REXO5: variants seen among roughly 807,000 people sequenced by gnomAD.
REXO5 encodes RNA exonuclease 5, also known as exonuclease NEF-sp.
Under a neutral mutation model 88.5 loss-of-function variants are expected in REXO5, and 48 were observed. That is an observed-to-expected ratio of 0.54 (90% CI 0.43 to 0.69). The LOEUF (loss-of-function observed/expected upper bound fraction) is 0.69, where lower values mean the gene tolerates loss of function less well. REXO5 is among the 30% of genes least tolerant of loss of function. The pLI is 0.00. For missense variants in REXO5, 749 were observed against 912.2 expected (o/e 0.82, Z 2.30); for synonymous variants, 311 against 336.5 (o/e 0.92, Z 0.83).
Position 20,833,000 on chromosome 16 carries a change from T to A in REXO5, c.1263-3T>A, listed in dbSNP as rs200182190. On this transcript the variant is annotated splice_polypyrimidine_tract_variant and splice_region_variant and intron_variant, in intron 12 of 19. Transcript: ENST00000261377. ...TTACCTTAACTCTTCTACTTCTTTA[T>A]AGTGTTTTAGAATGCTTGGATTCAG... 1.0e-3 allele frequency: 1,676 copies of A among 1,611,386 alleles called. 12 individuals carry two copies. The highest frequency in any genetic ancestry group is 1.3e-3 in the South Asian group (117 of 90,820).
At chr16:20,828,591 C>A (rs1463709343) in intron 11 of REXO5, 54 bp downstream of exon 11, 1 of 1,170,814 alleles carries the variant, frequency 8.5e-7, no homozygotes. Flanking sequence ...GGGACTAGAT[C>A]AGATTATCAC....
At chr16:20,809,934 G>T (rs537833213) in intron 2 of REXO5, among the ~76,000 whole-genome samples, 47 of 152,310 alleles carry the variant, frequency 3.1e-4, no homozygotes, top group African/African-American at 1.1e-3. Context: ...GATGAACTCA[G>T]TGGTACCTAT....
intron 19 of REXO5, 99 bp from the exon 20 acceptor site, chr16:20,849,300 A>G: frequency 8.6e-7 from 1 of 1,157,108 alleles, no homozygotes; most frequent in South Asian, 1.4e-5. Context: ...CCCATGGCAC[A>G]CACACATACT....
At position 20,846,999 on chromosome 16, in the gene REXO5, ATGAG is replaced by A. The variant is rs376080870; in HGVS notation, c.2243+667_2243+670del. Among the ~76,000 whole-genome samples, 331 of 152,346 alleles carry A rather than the reference ATGAG, an allele frequency of 2.2e-3. 1 individual carries two copies. The highest frequency in any genetic ancestry group is 7.4e-3 in the African/African-American group (307 of 41,576). On this transcript the variant is annotated intron_variant, in intron 19 of 19. Coordinates refer to ENST00000261377, the MANE Select transcript of REXO5 (RefSeq NM_030941.3). ...AAGCATAAAGATGGGCAGTTTTGGA[ATGAG>A]TGAGTGGGCAGCTAAATGAATGAGT...
rs201158676 is a variant in REXO5, at chr16:20,845,135, T to C, written c.2018T>C (p.Leu673Pro). 11 of 1,614,130 alleles carry C rather than the reference T, an allele frequency of 6.8e-6. No individual in the cohort carries two copies. In the Admixed American group the frequency reaches 1.2e-4, roughly 17 times the overall value. Residue 673 changes from leucine to proline, a missense_variant, in exon 18 of 20, where the codon CTA becomes CCA. By Grantham distance (98) the Leu-to-Pro change is moderately conservative. Transcript: ENST00000261377. ...TGGAAGCTGAAAGGCAGGCATGCCC[T>C]AACCCCCAGGCACCTCCATGCCTGG... ...KDWKLKGRHALTPRHLHAWLR... is the reference protein window; with the variant it reads ...KDWKLKGRHAPTPRHLHAWLR...
chr16:20,841,472 G>A (rs1228012069), intron 15 of REXO5, among the ~76,000 whole-genome samples: 1 of 152,102 alleles, frequency 6.6e-6, no homozygotes, highest in Non-Finnish European at 1.5e-5. Flanking sequence ...TAAATATATT[G>A]TTCCTTTAGA....
intron 3 of REXO5, 145 bp downstream of exon 3, chr16:20,813,447 A>G: frequency 1.8e-6 from 1 of 541,930 alleles, no homozygotes; most frequent in South Asian, 2.6e-5. Flanking sequence ...GCATGTCCTG[A>G]ATTTTTTATG....
At chr16:20,826,836 A>C (rs1449319966) in intron 8 of REXO5, among the ~76,000 whole-genome samples, 1 of 152,198 alleles carries the variant, frequency 6.6e-6, no homozygotes, top group Non-Finnish European at 1.5e-5. Flanking sequence ...TATATACCTG[A>C]ATCTATATCA....
chr16:20,834,406 T>C (rs983183142), intron 13 of REXO5, among the ~76,000 whole-genome samples: 1 of 152,214 alleles, frequency 6.6e-6, no homozygotes, highest in Non-Finnish European at 1.5e-5. Context: ...AGCCTGGGAT[T>C]ACAGGTGTGA....
intron 13 of REXO5, among the ~76,000 whole-genome samples, chr16:20,836,714 G>A (rs189786808): frequency 1.3e-5 from 2 of 152,354 alleles, no homozygotes; most frequent in East Asian, 3.9e-4. Context: ...AACTTCTGAA[G>A]TGTCTATGAT....
Position 20,846,333 on chromosome 16 carries a change from C to G in REXO5, c.2237C>G (p.Thr746Ser). The stretch of plus-strand genomic sequence containing the variant: ...CTCTGCCTCATCCTGCTGCCAGGAA[C>G]CAAGAGGTAAGGACTAGAAAGGGTA... ...GTLCLILLPGTKSTHGSLSGL... is the reference protein window; with the variant it reads ...GTLCLILLPGSKSTHGSLSGL... The change falls in exon 19 of 20, where the codon ACC becomes AGC. Residue 746 changes from threonine (T) to serine (S), a missense_variant. Physicochemically the swap from Thr to Ser is moderately conservative, Grantham distance 58. Transcript: ENST00000261377. 1 of 1,612,508 alleles carries G rather than the reference C, an allele frequency of 6.2e-7. No individual in the cohort carries two copies. The highest frequency in any genetic ancestry group is 8.5e-7 in the Non-Finnish European group (1 of 1,178,612).
intron 10 of REXO5, among the ~76,000 whole-genome samples, 179 bp from the exon 11 acceptor site, chr16:20,828,256 C>G (rs1842895065): frequency 6.6e-6 from 1 of 152,126 alleles, no homozygotes; most frequent in African/African-American, 2.4e-5. Context: ...TTGTTTTGCA[C>G]CCCCAGTTCC....
intron 2 of REXO5, among the ~76,000 whole-genome samples, chr16:20,809,134 T>G (rs1203703641): frequency 6.6e-6 from 1 of 152,180 alleles, no homozygotes; most frequent in Non-Finnish European, 1.5e-5. Flanking sequence ...AATCACATAT[T>G]TTGTTATGTT....
At chr16:20,848,676 C>T (rs1316295203) in intron 19 of REXO5, among the ~76,000 whole-genome samples, 1 of 152,328 alleles carries the variant, frequency 6.6e-6, no homozygotes, top group East Asian at 1.9e-4. Flanking sequence ...AGCTCCTCAA[C>T]GCTGACCCAG....
intron 8 of REXO5, among the ~76,000 whole-genome samples, chr16:20,826,601 C>T (rs1284264710): frequency 2.0e-5 from 3 of 152,154 alleles, no homozygotes; most frequent in Non-Finnish European, 4.4e-5. Flanking sequence ...GTTGTATGCA[C>T]AAGCATGTTT....
intron 4 of REXO5, among the ~76,000 whole-genome samples, chr16:20,815,565 A>G (rs1377527814): frequency 1.3e-5 from 2 of 151,984 alleles, no homozygotes; most frequent in Non-Finnish European, 2.9e-5. Context: ...TCATTTATTG[A>G]GCACTTCCTG....
intron 19 of REXO5, among the ~76,000 whole-genome samples, chr16:20,847,927 A>C (rs1324318689): frequency 1.3e-5 from 2 of 152,236 alleles, no homozygotes; most frequent in Non-Finnish European, 2.9e-5. Context: ...GATGTTCCAC[A>C]GAGGGTGAAG....
At chr16:20,816,248 T>A in intron 5 of REXO5, 36 bp downstream of exon 5, 1 of 1,500,192 alleles carries the variant, frequency 6.7e-7, no homozygotes, top group Non-Finnish European at 9.2e-7. Context: ...CTTTGCTCAC[T>A]CTAAAAGATA....
At chr16:20,807,219 G>A in intron 2 of REXO5, 128 bp downstream of exon 2, 1 of 1,074,568 alleles carries the variant, frequency 9.3e-7, no homozygotes. Context: ...CCTGATCCCT[G>A]ATCATTAAAA....
Sources: allele counts gnomAD v4.1 joint callset (sites outside exome capture counted in the v4.1 genomes callset), GRCh38; gene constraint gnomAD v4.1.1; transcripts MANE v1.5; gene names NCBI Gene and HGNC (gene_info 2026-07-23, HGNC 2026-07-21).